Variants in RBBP6 observed in about 807,000 individuals in gnomAD.
RBBP6 encodes the protein E3 ubiquitin-protein ligase RBBP6.
In RBBP6, 25 loss-of-function variants were observed where a neutral mutation model predicts 167.7. The ratio of observed to expected loss-of-function variants is 0.15; its 90% CI spans 0.11 to 0.21. RBBP6 has a LOEUF of 0.21. RBBP6 is among the 10% of genes least tolerant of loss of function. The pLI is 1.00. For synonymous variants in RBBP6, 789 were observed against 735.8 expected (o/e 1.07, Z -1.17); for missense variants, 1,868 against 2,134.2 (o/e 0.88, Z 2.46).
intron 8 of RBBP6, among the ~76,000 whole-genome samples, chr16:24,560,729 T>G (rs1472911575): frequency 1.3e-5 from 2 of 152,196 alleles, no homozygotes; most frequent in East Asian, 3.8e-4. Flanking sequence ...TAACAACTAT[T>G]TACATAGCAT....
intron 17 of RBBP6, 109 bp downstream of exon 17, chr16:24,570,608 G>A: frequency 9.5e-7 from 1 of 1,053,190 alleles, no homozygotes; most frequent in East Asian, 2.7e-5. Flanking sequence ...ATCTAGGGAA[G>A]TAGGCTGGTT....
intron 2 of RBBP6, 93 bp from the exon 3 acceptor site, chr16:24,548,852 A>T: frequency 9.4e-7 from 1 of 1,060,494 alleles, no homozygotes; most frequent in South Asian, 1.5e-5. Context: ...TAGGTTCCTA[A>T]AAATGTATTA....
intron 4 of RBBP6, 181 bp from the exon 5 acceptor site, chr16:24,555,434 T>A: frequency 1.8e-6 from 1 of 555,602 alleles, no homozygotes; most frequent in Non-Finnish European, 3.2e-6. Context: ...TGCAGACACC[T>A]AAACATCATG....
chr16:24,544,347 G>A (rs2141454212), intron 1 of RBBP6, among the ~76,000 whole-genome samples: 1 of 152,286 alleles, frequency 6.6e-6, no homozygotes, highest in Non-Finnish European at 1.5e-5. Context: ...ACATTGGCAT[G>A]CCTAAATCTA....
intron 3 of RBBP6, 25 bp from the exon 4 acceptor site, chr16:24,553,488 T>C: frequency 1.2e-6 from 2 of 1,606,148 alleles, no homozygotes; most frequent in Non-Finnish European, 1.7e-6. Context: ...GGAACTTGAA[T>C]GTGTGTTTAA....
At position 24,563,280 on chromosome 16, in the gene RBBP6, T is replaced by C. The variant is rs1172493131; in HGVS notation, c.1371T>C (p.Ala457=). The C allele has an allele frequency of 3.1e-6, 5 of 1,609,236 alleles. No individual in the cohort carries two copies. The highest frequency in any genetic ancestry group is 4.2e-6 in the Non-Finnish European group (5 of 1,177,942). ...GAACCTCCTCAATTGCAATTACCGC[T>C]CTTATGGAAGAGAAGGTAAATTTTA... The part of the protein sequence containing the change: ...SKGTSSIAIT[A]LMEEKGYQVP... Residue 457 remains alanine (A), a synonymous_variant, in exon 11 of 18, where the codon GCT becomes GCC. Transcript: ENST00000319715.
At chr16:24,567,978 C>G in intron 16 of RBBP6, 85 bp downstream of exon 16, 1 of 1,151,548 alleles carries the variant, frequency 8.7e-7, no homozygotes, top group East Asian at 2.5e-5. Flanking sequence ...AAGAACATTG[C>G]ACTTAGGAAT....
Position 24,562,011 on chromosome 16 carries a change from C to A in RBBP6, c.1139C>A (p.Pro380Gln). The change falls in exon 10 of 18, where the codon CCA becomes CAA. Residue 380 changes from proline (P) to glutamine (Q), a missense_variant. Pro to Gln is a moderately conservative substitution (Grantham distance 76). Around this residue, in one of 7 missense-constraint regions of RBBP6, gnomAD observed 245 missense variants for 240.1 expected, o/e 1.02. Transcript: ENST00000319715. The part of the protein sequence containing the change: ...MIPVTSSSTH[P>Q]APSISSLTSN... ...CCAGTGACATCTTCATCAACTCACC[C>A]AGCTCCGTCTATATCTTCATTAACT... 6.2e-7 allele frequency: 1 copy of A among 1,613,554 alleles called. No individual in the cohort carries two copies. Among genetic ancestry groups the A allele is most frequent in the Non-Finnish European group, 8.5e-7 (1 of 1,179,544 alleles).
intron 1 of RBBP6, among the ~76,000 whole-genome samples, chr16:24,541,562 C>T (rs765826759): frequency 1.4e-4 from 22 of 152,068 alleles, no homozygotes; most frequent in Admixed American, 1.4e-3. Context: ...ACTGTTGATA[C>T]TAAGGTACTG....
At chr16:24,557,669 A>T (rs956464062) in intron 7 of RBBP6, among the ~76,000 whole-genome samples, 2 of 151,722 alleles carry the variant, frequency 1.3e-5, no homozygotes, top group Admixed American at 6.6e-5. Context: ...TGTCCAAGAG[A>T]TTGTGAAGTT....
In RBBP6 at chr16:24,549,307, G is replaced by A. The variant is rs1898740778; in HGVS notation, c.303+326G>A. On this transcript the variant is annotated intron_variant, in intron 3 of 17. Coordinates refer to ENST00000319715, the MANE Select transcript of RBBP6 (RefSeq NM_006910.5). ...TTTACACTAAGGAACATGATGACAT[G>A]TTCTACATTTGTCTGTCTATAGTTA... 5 of 1,153,076 alleles carry A rather than the reference G, an allele frequency of 4.3e-6. No homozygotes were observed. The South Asian group carries it at 1.9e-4, about 43-fold the overall frequency. 71.4% of individuals were successfully genotyped at this position (1,153,076 alleles called of 1,614,324 possible).
intron 14 of RBBP6, among the ~76,000 whole-genome samples, chr16:24,565,269 C>T (rs547514982): frequency 6.6e-6 from 1 of 152,264 alleles, no homozygotes; most frequent in South Asian, 2.1e-4. Context: ...TCTTCTAGAC[C>T]CCACTGTCCC....
chr16:24,558,951 TA>T (rs1306061109), intron 7 of RBBP6, among the ~76,000 whole-genome samples: 1 of 152,230 alleles, frequency 6.6e-6, no homozygotes, highest in Non-Finnish European at 1.5e-5. Context: ...AATGACATAA[TA>T]TTTCCCTTGA....
intron 2 of RBBP6, among the ~76,000 whole-genome samples, chr16:24,547,559 G>A (rs775709261): frequency 3.3e-5 from 5 of 152,064 alleles, no homozygotes; most frequent in South Asian, 2.1e-4. Context: ...GGGCTCAAGC[G>A]ATTCTCCTGC....
Position 24,567,494 on chromosome 16 carries a change from A to T in RBBP6, c.1941A>T (p.Arg647=), listed in dbSNP as rs199826068. Residue 647 remains arginine (R), a synonymous_variant, in exon 15 of 18, where the codon CGA becomes CGT. Coordinates refer to ENST00000319715, the MANE Select transcript of RBBP6 (RefSeq NM_006910.5). ...AAGAATTCTATAGAGAGCAGCGACGACTAAAAGAAGAGTATGTATTCTAAT... is the reference window on the plus strand; with the variant it reads ...AAGAATTCTATAGAGAGCAGCGACGTCTAAAAGAAGAGTATGTATTCTAAT... ...SREEFYREQR[R]LKEEEKKKSK... The T allele has an allele frequency of 4.4e-6, 7 of 1,608,254 alleles. No homozygotes were observed. In the African/African-American group the frequency reaches 9.4e-5, roughly 21 times the overall value.
rs1186497968 is a variant in RBBP6, at chr16:24,567,286, TTCC to T, written c.1740_1742del (p.Pro581del). ...CATACACTTCCTCTCCCTCCGGGTG[TTCC>T]TCCTCCACAGTTTTCTCCTCAGTTT... On this transcript the variant is annotated inframe_deletion, in exon 15 of 18. Transcript: ENST00000319715. 1.2e-6 allele frequency: 2 copies of T among 1,613,974 alleles called. No individual in the cohort carries two copies. Among genetic ancestry groups the T allele is most frequent in the East Asian group, 4.5e-5 (2 of 44,886 alleles).
At chr16:24,542,269 A>T (rs1330028641) in intron 1 of RBBP6, among the ~76,000 whole-genome samples, 2 of 152,152 alleles carry the variant, frequency 1.3e-5, no homozygotes, top group Non-Finnish European at 2.9e-5. Flanking sequence ...GGTTTATAAG[A>T]AGTTTGGGCC....
intron 1 of RBBP6, among the ~76,000 whole-genome samples, chr16:24,544,318 A>G (rs1474380854): frequency 6.6e-6 from 1 of 152,218 alleles, no homozygotes; most frequent in Non-Finnish European, 1.5e-5. Context: ...GAACTGTCCA[A>G]GATAAAGATT....
intron 5 of RBBP6, 39 bp downstream of exon 5, chr16:24,555,742 G>C (rs755022438): frequency 1.3e-6 from 2 of 1,599,274 alleles, no homozygotes; most frequent in Non-Finnish European, 1.7e-6. Context: ...GGAACTTTTG[G>C]GGTGGGTTTT....
Sources: gnomAD v4.1 joint callset for allele counts (sites outside exome capture counted in the v4.1 genomes callset) on GRCh38, gnomAD v4.1.1 for gene constraint, gnomAD v4.1.1 regional missense constraint, MANE v1.5 for transcripts, NCBI Gene and HGNC (gene_info 2026-07-23, HGNC 2026-07-21) for gene names.